Variants in DENND4C observed in about 807,000 individuals in gnomAD.
The protein encoded by DENND4C is DENN domain-containing protein 4C.
In DENND4C, 108 loss-of-function variants were observed where a neutral mutation model predicts 203.0. The observed-to-expected ratio is 0.53, with a 90% CI of 0.46 to 0.62. The LOEUF (loss-of-function observed/expected upper bound fraction) is 0.62. Ranked by LOEUF, DENND4C falls within the 20% of genes least tolerant of loss-of-function variation. The pLI is 0.00. For missense variants in DENND4C, 2,481 were observed against 2,301.2 expected (o/e 1.08, Z -1.60); for synonymous variants, 871 against 792.4 (o/e 1.10, Z -1.67).
intron 16 of DENND4C, among the ~76,000 whole-genome samples, chr9:19,330,420 A>C (rs532335115): frequency 2.1e-5 from 3 of 144,850 alleles, no homozygotes; most frequent in Admixed American, 1.5e-4. Context: ...GCTCACTGCA[A>C]CCTCTGCCTC....
chr9:19,346,903 G>A lies in DENND4C; in HGVS notation c.4134G>A (p.Leu1378=). The A allele has an allele frequency of 6.2e-7, 1 of 1,614,170 alleles. No individual in the cohort carries two copies. The highest frequency in any genetic ancestry group is 1.1e-5 in the South Asian group (1 of 91,080). Residue 1378 remains leucine, a synonymous_variant, in exon 23 of 33, where the codon CTG becomes CTA. Transcript: ENST00000434457. ...HKERSTSLSA[L]VRSSPHGSLG... ...AACGTTCAACTTCTTTGTCAGCACTGGTGCGTTCTTCGCCACATGGCTCGT... is the reference window on the plus strand; with the variant it reads ...AACGTTCAACTTCTTTGTCAGCACTAGTGCGTTCTTCGCCACATGGCTCGT...
intron 9 of DENND4C, among the ~76,000 whole-genome samples, chr9:19,302,826 T>C (rs1838864023): frequency 6.6e-6 from 1 of 152,152 alleles, no homozygotes; most frequent in African/African-American, 2.4e-5. Context: ...AGCTGTTCCT[T>C]CTCATTAAAG....
intron 21 of DENND4C, among the ~76,000 whole-genome samples, chr9:19,342,195 T>C (rs1185760541): frequency 6.7e-6 from 1 of 149,708 alleles, no homozygotes; most frequent in Non-Finnish European, 1.5e-5. Context: ...AAGGCAGAGA[T>C]AATTTGTTGT....
In DENND4C at chr9:19,300,301, C is replaced by T. The variant is rs760581733; in HGVS notation, c.1281C>T (p.Val427=). 11 of 1,601,010 alleles carry T rather than the reference C, an allele frequency of 6.9e-6. No homozygotes were observed. The highest frequency in any genetic ancestry group is 1.7e-4 in the Middle Eastern group (1 of 6,012). ...KILLHSLRPA[V]LTGVAEAVVA... is the part of the protein sequence containing the mutation. ...TGCTGCATTCTCTTAGGCCAGCTGT[C>T]TTGACTGGGGTAGCTGAAGCTGTTG... The change falls in exon 9 of 33, where the codon GTC becomes GTT. Residue 427 remains valine, a synonymous_variant. Coordinates refer to ENST00000434457, the MANE Select transcript of DENND4C (RefSeq NM_001330640.2).
chr9:19,317,271 T>C (rs1046305837), intron 12 of DENND4C, among the ~76,000 whole-genome samples: 2 of 151,476 alleles, frequency 1.3e-5, no homozygotes, highest in Admixed American at 1.3e-4. Context: ...TCCTCCTCCC[T>C]GGCTTTCCAA....
At chr9:19,251,546 A>T (rs952752369) in intron 1 of DENND4C, among the ~76,000 whole-genome samples, 4 of 151,956 alleles carry the variant, frequency 2.6e-5, no homozygotes, top group African/African-American at 7.2e-5. Flanking sequence ...AGAAAATGGG[A>T]TTTTCTTTTC....
At position 19,255,642 on chromosome 9, in the gene DENND4C, T is replaced by C. The variant is rs937606491; in HGVS notation, c.-17-20516T>C. Among the ~76,000 whole-genome samples, 6 of 152,336 alleles carry C rather than the reference T, an allele frequency of 3.9e-5. No individual in the cohort carries two copies. In the East Asian group the frequency reaches 1.2e-3, roughly 29 times the overall value. ...AAGGGTAATTTTTTAATGCTTTTTT[T>C]ATAATGATAAAGGAATTAGTTGAAA... is the stretch of plus-strand genomic sequence containing the variant. On this transcript the variant is annotated intron_variant, in intron 1 of 32. Transcript: ENST00000434457.
intron 12 of DENND4C, among the ~76,000 whole-genome samples, chr9:19,318,859 G>A (rs1842274494): frequency 6.6e-6 from 1 of 152,008 alleles, no homozygotes; most frequent in African/African-American, 2.4e-5. Context: ...GAGGTACTAG[G>A]GGCTAGGAAC....
chr9:19,232,593 T>G (rs1235772074), intron 1 of DENND4C, among the ~76,000 whole-genome samples: 2 of 152,196 alleles, frequency 1.3e-5, no homozygotes, highest in Non-Finnish European at 2.9e-5. Context: ...TGCATTCTAT[T>G]GTCGAGAGTA....
intron 1 of DENND4C, among the ~76,000 whole-genome samples, chr9:19,263,461 A>G (rs898936548): frequency 2.7e-5 from 4 of 150,748 alleles, no homozygotes; most frequent in Non-Finnish European, 4.4e-5. Context: ...GGTTCAAGCA[A>G]TTTTCCTGCC....
At chr9:19,337,546 C>G (rs1563817738) in intron 20 of DENND4C, 2 of 1,027,234 alleles carry the variant, frequency 1.9e-6, no homozygotes, top group Non-Finnish European at 2.4e-6. Context: ...GCTTTTTGCT[C>G]TGTGCTGTTT....
intron 28 of DENND4C, among the ~76,000 whole-genome samples, 174 bp from the exon 29 acceptor site, chr9:19,360,070 A>ATT (rs1307005445): frequency 6.6e-6 from 1 of 152,178 alleles, no homozygotes; most frequent in African/African-American, 2.4e-5. Context: ...ACTTAACAGT[A>ATT]TTTAAGTATT....
At chr9:19,354,404 C>T (rs1196836219) in intron 26 of DENND4C, among the ~76,000 whole-genome samples, 1 of 152,166 alleles carries the variant, frequency 6.6e-6, no homozygotes, top group African/African-American at 2.4e-5. Context: ...TAGACGGCTG[C>T]ACTCCCACAA....
Position 19,239,789 on chromosome 9 carries a change from T to G in DENND4C, c.-18+8956T>G, listed in dbSNP as rs551181782. On this transcript the variant is annotated intron_variant, in intron 1 of 32. Transcript: ENST00000434457. Reference sequence around the variant, plus strand: ...GCGTGAGCCACCGTGCCCAGCCAATTTATATTCTTTAAAATATTTCCATGC... The same window carrying G: ...GCGTGAGCCACCGTGCCCAGCCAATGTATATTCTTTAAAATATTTCCATGC... 3.9e-5 allele frequency among the ~76,000 whole-genome samples: 6 copies of G among 152,276 alleles called. No individual in the cohort carries two copies. In the South Asian group the frequency reaches 1.2e-3, roughly 32 times the overall value.
At chr9:19,356,833 A>T (rs1825549280) in intron 26 of DENND4C, 139 bp from the exon 27 acceptor site, 4 of 667,056 alleles carry the variant, frequency 6.0e-6, no homozygotes, top group Non-Finnish European at 9.4e-6. Context: ...GTGTATTGGA[A>T]ATAGGCCGTG....
chr9:19,294,376 G>A (rs533558189), intron 5 of DENND4C, among the ~76,000 whole-genome samples: 1 of 152,228 alleles, frequency 6.6e-6, no homozygotes, highest in Non-Finnish European at 1.5e-5. Context: ...AGGAGTGTCA[G>A]CTTTATCTTG....
intron 1 of DENND4C, among the ~76,000 whole-genome samples, chr9:19,268,240 C>T (rs898388642): frequency 6.6e-6 from 1 of 152,036 alleles, no homozygotes; most frequent in Non-Finnish European, 1.5e-5. Context: ...GCTGGGACCC[C>T]AGGTGTGCAC....
chr9:19,286,229 G>A (rs10738533), intron 2 of DENND4C, among the ~76,000 whole-genome samples: 80,627 of 151,912 alleles, frequency 0.53, 21,585 homozygotes, highest in South Asian at 0.65. Context: ...GAATTAATCA[G>A]ATTAATTCAA....
intron 1 of DENND4C, among the ~76,000 whole-genome samples, chr9:19,271,831 T>C (rs1831743248): frequency 6.8e-6 from 1 of 147,398 alleles, no homozygotes; most frequent in Non-Finnish European, 1.5e-5. Context: ...ATCGCGCCAT[T>C]GCACTCCAGC....
Sources: gnomAD v4.1 joint callset for allele counts (sites outside exome capture counted in the v4.1 genomes callset) on GRCh38, gnomAD v4.1.1 for gene constraint, MANE v1.5 for transcripts, NCBI Gene and HGNC (gene_info 2026-07-23, HGNC 2026-07-21) for gene names.